The following PRKCB variants were observed in gnomAD, a reference collection of about 807,000 sequenced individuals.
PRKCB encodes protein kinase C beta.
A neutral mutation model predicts 81.5 loss-of-function variants in PRKCB; 13 were observed. The observed-to-expected ratio is 0.16, with a 90% CI of 0.10 to 0.25. The LOEUF is 0.25. Ranked by LOEUF, PRKCB falls within the 10% of genes least tolerant of loss-of-function variation. PRKCB has a pLI of 1.00. For missense variants in PRKCB, 509 were observed against 875.7 expected, an observed-to-expected ratio of 0.58 and a Z score of 5.29; for synonymous variants, 335 against 321.4, an observed-to-expected ratio of 1.04 and a Z score of -0.45.
chr16:24,105,003 G>C (rs901884925), intron 7 of PRKCB, among the ~76,000 whole-genome samples: 2 of 151,778 alleles, frequency 1.3e-5, no homozygotes, highest in Non-Finnish European at 2.9e-5. Flanking sequence ...ATTCTTTTAT[G>C]TCTAATCTTT....
intron 9 of PRKCB, among the ~76,000 whole-genome samples, chr16:24,126,761 C>T (rs1231079574): frequency 2.6e-5 from 4 of 151,904 alleles, no homozygotes; most frequent in Non-Finnish European, 5.9e-5. Context: ...GTCTTGAACT[C>T]CTGACCTCAT....
At chr16:23,861,775 A>G (rs1597213845) in intron 2 of PRKCB, among the ~76,000 whole-genome samples, 1 of 152,176 alleles carries the variant, frequency 6.6e-6, no homozygotes, top group Admixed American at 6.5e-5. Flanking sequence ...ACCATGAGGG[A>G]CAAGGTTGGC....
intron 9 of PRKCB, among the ~76,000 whole-genome samples, chr16:24,150,044 C>T (rs888519797): frequency 3.3e-5 from 5 of 152,228 alleles, no homozygotes; most frequent in East Asian, 1.9e-4. Flanking sequence ...AAAAGGACCA[C>T]GCTAGGCTGA....
chr16:24,167,174 C>T (rs1186097224), intron 10 of PRKCB, among the ~76,000 whole-genome samples: 1 of 150,770 alleles, frequency 6.6e-6, no homozygotes, highest in Non-Finnish European at 1.5e-5. Context: ...GAACCAGGGG[C>T]TGGGTGTCGG....
At chr16:23,906,638 C>T (rs746640137) in intron 2 of PRKCB, among the ~76,000 whole-genome samples, 1 of 152,000 alleles carries the variant, frequency 6.6e-6, no homozygotes, top group Non-Finnish European at 1.5e-5. Context: ...ACTACTTTAA[C>T]TTCTTTTTTT....
chr16:24,163,021 G>A (rs186369952), intron 10 of PRKCB, among the ~76,000 whole-genome samples: 7 of 152,268 alleles, frequency 4.6e-5, no homozygotes, highest in South Asian at 2.1e-4. Context: ...TGGTAAACAT[G>A]ACTTCGTTAG....
Position 24,144,476 on chromosome 16 carries a change from T to C in PRKCB, c.1066-10208T>C, listed in dbSNP as rs113786763. Among the ~76,000 whole-genome samples, 1,090 of 152,258 alleles carry C rather than the reference T, an allele frequency of 7.2e-3. 10 individuals are homozygous for C. The highest frequency in any genetic ancestry group is 0.024 in the African/African-American group (1,017 of 41,548). On this transcript the variant is annotated intron_variant, in intron 9 of 16. Transcript: ENST00000643927. Reference sequence around the variant, plus strand: ...ATCATGCCCAGCTAATTCTTTTGTATTTTTAGTTGAGACAGGGTTTCACCA... The same window carrying C: ...ATCATGCCCAGCTAATTCTTTTGTACTTTTAGTTGAGACAGGGTTTCACCA...
chr16:24,134,721 C>G (rs9926864), intron 9 of PRKCB, among the ~76,000 whole-genome samples: 2 of 151,518 alleles, frequency 1.3e-5, no homozygotes, highest in Non-Finnish European at 2.9e-5. Flanking sequence ...TGCACTCCAG[C>G]CTGGGCGACA....
intron 2 of PRKCB, among the ~76,000 whole-genome samples, chr16:23,869,524 T>A (rs1258294808): frequency 6.6e-6 from 1 of 152,212 alleles, no homozygotes; most frequent in Non-Finnish European, 1.5e-5. Flanking sequence ...CTTATTTCAG[T>A]CTTCCCTAAT....
intron 2 of PRKCB, among the ~76,000 whole-genome samples, chr16:23,843,790 CAAAAAAAAAAAA>C (rs544908905): frequency 8.8e-6 from 1 of 113,880 alleles, no homozygotes; most frequent in African/African-American, 3.5e-5. Flanking sequence ...GTATCTAGGC[CAAAAAAAAAAAA>C]AAAAAAAAAA....
intron 3 of PRKCB, among the ~76,000 whole-genome samples, chr16:24,021,335 CTTCCTTCCTTCCTTCCTTCCTCCT>C (rs1965396882): frequency 2.8e-5 from 2 of 70,300 alleles, no homozygotes; most frequent in African/African-American, 7.2e-5. Context: ...TCCTTCCTTC[CTTCCTTCCTTCCTTCCTTCCTCCT>C]TCCCTCCCTC....
chr16:24,042,852 C>G (rs1333952350), intron 5 of PRKCB, among the ~76,000 whole-genome samples: 2 of 151,996 alleles, frequency 1.3e-5, no homozygotes, highest in African/African-American at 4.8e-5. Context: ...ATTCTCCCAC[C>G]TCAGCCTACA....
intron 2 of PRKCB, among the ~76,000 whole-genome samples, chr16:23,970,427 C>T (rs968871013): frequency 1.3e-5 from 2 of 152,226 alleles, no homozygotes; most frequent in African/African-American, 2.4e-5. Context: ...TTGGTGCCAC[C>T]TGGGAGCTCC....
rs1966571140 is a variant in PRKCB, at chr16:24,105,927, A to G, written c.822-7046A>G. ...GGAAAATGTTTTAATGTTTATAGCT[A>G]TAATTGCCATGTTTCTTATGGTGTT... On this transcript the variant is annotated intron_variant, in intron 7 of 16. Coordinates refer to ENST00000643927, the MANE Select transcript of PRKCB (RefSeq NM_002738.7). Among the ~76,000 whole-genome samples the G allele has an allele frequency of 1.3e-5, 2 of 152,094 alleles. 1 individual carries two copies. The highest frequency in any genetic ancestry group is 4.8e-5 in the African/African-American group (2 of 41,418).
chr16:23,870,008 T>A (rs1253535101), intron 2 of PRKCB, among the ~76,000 whole-genome samples: 1 of 143,138 alleles, frequency 7.0e-6, no homozygotes, highest in Non-Finnish European at 1.5e-5. Flanking sequence ...GGCGACAGAG[T>A]GAGACTCCAT....
chr16:23,897,007 T>C (rs192928072), intron 2 of PRKCB, among the ~76,000 whole-genome samples: 17 of 151,544 alleles, frequency 1.1e-4, no homozygotes, highest in African/African-American at 3.6e-4. Flanking sequence ...CACTCATCCA[T>C]CTATCCATTC....
chr16:23,840,673 G>A (rs189876202), intron 2 of PRKCB, among the ~76,000 whole-genome samples: 5 of 152,252 alleles, frequency 3.3e-5, no homozygotes, highest in Admixed American at 1.3e-4. Context: ...TAGGATGATC[G>A]CAAGGCAAAG....
At chr16:23,979,451 T>C (rs1964667192) in intron 2 of PRKCB, among the ~76,000 whole-genome samples, 1 of 152,212 alleles carries the variant, frequency 6.6e-6, no homozygotes, top group Non-Finnish European at 1.5e-5. Flanking sequence ...TTATGGAAAC[T>C]TGGGCTCATA....
intron 10 of PRKCB, among the ~76,000 whole-genome samples, chr16:24,163,949 T>C (rs945803367): frequency 6.6e-6 from 1 of 152,144 alleles, no homozygotes; most frequent in Admixed American, 6.5e-5. Context: ...CTACACAGCC[T>C]CTCTGGAGAG....
Sources: gnomAD v4.1 joint callset for allele counts (sites outside exome capture counted in the v4.1 genomes callset) on GRCh38, gnomAD v4.1.1 for gene constraint, MANE v1.5 for transcripts, NCBI Gene and HGNC (gene_info 2026-07-23, HGNC 2026-07-21) for gene names.